The following MACROD2 variants were observed in gnomAD, a reference collection of about 807,000 sequenced individuals.
MACROD2 encodes ADP-ribose glycohydrolase MACROD2.
A neutral mutation model predicts 70.4 loss-of-function variants in MACROD2; 36 were observed. The ratio of observed to expected loss-of-function variants is 0.51; its 90% CI spans 0.39 to 0.68. The LOEUF (loss-of-function observed/expected upper bound fraction) is 0.68. Ranked by LOEUF, MACROD2 falls within the 30% of genes least tolerant of loss-of-function variation. The pLI, the probability that MACROD2 is intolerant of heterozygous loss-of-function variation, is 0.00. For synonymous variants in MACROD2, 172 were observed against 178.8 expected (o/e 0.96, Z 0.30); for missense variants, 496 against 538.4 (o/e 0.92, Z 0.78).
At chr20:15,047,534 A>G (rs570028726) in intron 5 of MACROD2, among the ~76,000 whole-genome samples, 1 of 152,332 alleles carries the variant, frequency 6.6e-6, no homozygotes, top group Non-Finnish European at 1.5e-5. Context: ...TATTCTAAAT[A>G]TGGAGAATCT....
chr20:15,360,361 G>A (rs1439600588), intron 6 of MACROD2, among the ~76,000 whole-genome samples: 2 of 151,986 alleles, frequency 1.3e-5, no homozygotes. Flanking sequence ...CATTTATCTG[G>A]CATAAATGCT....
At chr20:15,113,570 G>A (rs992845236) in intron 5 of MACROD2, among the ~76,000 whole-genome samples, 3 of 152,032 alleles carry the variant, frequency 2.0e-5, no homozygotes, top group Admixed American at 6.5e-5. Context: ...TTTCCACCAG[G>A]CACACCACAG....
intron 3 of MACROD2, among the ~76,000 whole-genome samples, chr20:14,375,819 A>G (rs2083365955): frequency 6.6e-6 from 1 of 152,178 alleles, no homozygotes; most frequent in Admixed American, 6.5e-5. Context: ...TGCAGCACTT[A>G]GGGCCATTGG....
intron 6 of MACROD2, among the ~76,000 whole-genome samples, chr20:15,387,432 C>G (rs6043247): frequency 0.011 from 1,663 of 151,688 alleles, 23 homozygotes; most frequent in African/African-American, 0.037. Context: ...ATCCTTTCTC[C>G]TTTTATTCCT....
chr20:14,426,949 C>T (rs1421443878), intron 3 of MACROD2, among the ~76,000 whole-genome samples: 2 of 152,120 alleles, frequency 1.3e-5, no homozygotes, highest in Non-Finnish European at 2.9e-5. Flanking sequence ...TGGATATCCA[C>T]CTGCTTCTTA....
At position 14,725,542 on chromosome 20, in the gene MACROD2, A is replaced by T. The variant is rs76101471; in HGVS notation, c.418+40583A>T. Among the ~76,000 whole-genome samples the T allele has an allele frequency of 3.3e-5, 5 of 152,056 alleles. 1 individual carries two copies. Among genetic ancestry groups the T allele is most frequent in the Non-Finnish European group, 7.4e-5 (5 of 68,004 alleles). On this transcript the variant is annotated intron_variant, in intron 5 of 17. Transcript: ENST00000684519. ...TAGTAGCTTCTCTATAAATGTTGAT[A>T]TATTATGTGTGTTTCCCCAGAACAC... is the stretch of plus-strand genomic sequence containing the variant.
intron 6 of MACROD2, among the ~76,000 whole-genome samples, chr20:15,297,040 T>C (rs1307500844): frequency 6.6e-6 from 1 of 152,206 alleles, no homozygotes; most frequent in Non-Finnish European, 1.5e-5. Context: ...CATGGTCAGA[T>C]ACCCTGTGGT....
chr20:15,932,213 C>T (rs2147316860), intron 10 of MACROD2, among the ~76,000 whole-genome samples: 2 of 152,270 alleles, frequency 1.3e-5, no homozygotes, highest in South Asian at 4.2e-4. Flanking sequence ...TTTTCTCCCT[C>T]TCTCCATGTG....
chr20:15,533,843 TA>T (rs1293501969), intron 8 of MACROD2, among the ~76,000 whole-genome samples: 1 of 152,156 alleles, frequency 6.6e-6, no homozygotes, highest in Non-Finnish European at 1.5e-5. Flanking sequence ...GTCTGGAAGC[TA>T]AATTTGCATT....
chr20:15,703,467 C>T (rs1404691505), intron 8 of MACROD2, among the ~76,000 whole-genome samples: 3 of 152,176 alleles, frequency 2.0e-5, no homozygotes, highest in Admixed American at 2.0e-4. Context: ...TTACAACCCC[C>T]AGTCTATAAA....
At chr20:15,137,055 A>C (rs1230429691) in intron 5 of MACROD2, among the ~76,000 whole-genome samples, 3 of 149,414 alleles carry the variant, frequency 2.0e-5, no homozygotes, top group East Asian at 3.9e-4. Context: ...AAAGTCAGGA[A>C]ACAACAGGTG....
At chr20:14,185,143 A>G (rs2081334785) in intron 3 of MACROD2, among the ~76,000 whole-genome samples, 1 of 152,148 alleles carries the variant, frequency 6.6e-6, no homozygotes, top group African/African-American at 2.4e-5. Flanking sequence ...AATGCATTGT[A>G]GTACAGGGAA....
At chr20:14,009,906 G>A (rs1049818896) in intron 2 of MACROD2, among the ~76,000 whole-genome samples, 2 of 152,198 alleles carry the variant, frequency 1.3e-5, no homozygotes, top group African/African-American at 4.8e-5. Context: ...TCACTTTTAT[G>A]TGGGAGCAGA....
chr20:15,734,787 C>G (rs948825253), intron 8 of MACROD2, among the ~76,000 whole-genome samples: 2 of 152,084 alleles, frequency 1.3e-5, no homozygotes, highest in African/African-American at 2.4e-5. Context: ...TTTAATAAAC[C>G]TATCCTTTTC....
At chr20:15,416,328 T>C (rs1213007882) in intron 6 of MACROD2, among the ~76,000 whole-genome samples, 3 of 152,254 alleles carry the variant, frequency 2.0e-5, no homozygotes, top group African/African-American at 7.2e-5. Context: ...GGGTGTGTCC[T>C]TTAGACATCT....
rs1241033733 is a variant in MACROD2 at position 15,463,908 on chromosome 20, C to T, written c.571+32473C>T. On this transcript the variant is annotated intron_variant, in intron 7 of 17. Transcript: ENST00000684519. ...CTTGATCCTACAGCTTGAGGAAAAC[C>T]TCTGTTTTTCTCTCAAGACAAATTG... Among the ~76,000 whole-genome samples the T allele has an allele frequency of 5.3e-5, 8 of 152,298 alleles. No homozygotes were observed. The East Asian group carries it at 1.5e-3, about 29-fold the overall frequency.
chr20:15,819,631 C>A (rs911108437), intron 8 of MACROD2, among the ~76,000 whole-genome samples: 2 of 151,252 alleles, frequency 1.3e-5, no homozygotes, highest in African/African-American at 4.9e-5. Context: ...AATAGATGGG[C>A]ATGAAGGACA....
rs559637777 is a variant in MACROD2 at position 15,131,417 on chromosome 20, G to A, written c.419-98523G>A. ...GATGAAATTTTTCAGGATTTGGTGA[G>A]AAAAATAAACAAGTCACTTACACCA... On this transcript the variant is annotated intron_variant, in intron 5 of 17. Coordinates refer to ENST00000684519, the MANE Select transcript of MACROD2 (RefSeq NM_001351661.2). 2.0e-5 allele frequency among the ~76,000 whole-genome samples: 3 copies of A among 152,056 alleles called. No individual in the cohort carries two copies. The South Asian group carries it at 6.2e-4, about 32-fold the overall frequency.
At chr20:14,193,727 C>A (rs2081407497) in intron 3 of MACROD2, among the ~76,000 whole-genome samples, 1 of 152,148 alleles carries the variant, frequency 6.6e-6, no homozygotes, top group African/African-American at 2.4e-5. Context: ...GAAAAAAATA[C>A]CCTGACCCTT....
Sources: gnomAD v4.1 joint callset for allele counts (sites outside exome capture counted in the v4.1 genomes callset) on GRCh38, gnomAD v4.1.1 for gene constraint, MANE v1.5 for transcripts, NCBI Gene and HGNC (gene_info 2026-07-23, HGNC 2026-07-21) for gene names.